Variants in TACR1 observed in about 807,000 individuals in gnomAD.
TACR1 encodes the protein substance-P receptor.
Under a neutral mutation model 35.8 loss-of-function variants are expected in TACR1, and 25 were observed. The ratio of observed to expected loss-of-function variants is 0.70; its 90% CI spans 0.51 to 0.98. The LOEUF is 0.98. Ranked by LOEUF, TACR1 falls within the 50% of genes least tolerant of loss-of-function variation. TACR1 has a pLI of 0.00. For missense variants in TACR1, 478 were observed against 522.9 expected (o/e 0.91, Z 0.84); for synonymous variants, 195 against 206.7 (o/e 0.94, Z 0.48).
At chr2:75,128,835 T>C (rs1010913978) in intron 1 of TACR1, among the ~76,000 whole-genome samples, 5 of 152,156 alleles carry the variant, frequency 3.3e-5, no homozygotes, top group African/African-American at 1.2e-4. Flanking sequence ...ATCTCATGCT[T>C]GCATTTGGGA....
At chr2:75,137,742 A>G (rs1209461568) in intron 1 of TACR1, among the ~76,000 whole-genome samples, 2 of 150,858 alleles carry the variant, frequency 1.3e-5, no homozygotes, top group African/African-American at 4.9e-5. Context: ...AAAAAAAAAA[A>G]AAAAAAAAAA....
chr2:75,073,270 T>C (rs767226170), intron 2 of TACR1, among the ~76,000 whole-genome samples: 11 of 152,222 alleles, frequency 7.2e-5, no homozygotes, highest in Non-Finnish European at 1.6e-4. Flanking sequence ...GAAGCTCCAT[T>C]TTAAAGACAG....
intron 1 of TACR1, among the ~76,000 whole-genome samples, chr2:75,196,842 A>G (rs1676007304): frequency 6.6e-6 from 1 of 152,162 alleles, no homozygotes; most frequent in South Asian, 2.1e-4. Flanking sequence ...ACAAACAAAC[A>G]AAACCCCCCA....
intron 2 of TACR1, among the ~76,000 whole-genome samples, chr2:75,112,164 A>T (rs1275700763): frequency 1.3e-5 from 2 of 151,950 alleles, no homozygotes; most frequent in Non-Finnish European, 2.9e-5. Context: ...ACAAAATTTT[A>T]TACGTTTGAG....
intron 1 of TACR1, among the ~76,000 whole-genome samples, chr2:75,195,641 T>C (rs1675951730): frequency 1.3e-5 from 2 of 152,114 alleles, no homozygotes; most frequent in Non-Finnish European, 2.9e-5. Context: ...ATGTAGTAAT[T>C]CTACTTATTG....
In TACR1 at chr2:75,076,726, GT is replaced by G. The variant is rs112612026; in HGVS notation, c.585-22972del. Among the ~76,000 whole-genome samples, 1,520 of 152,284 alleles carry G rather than the reference GT, an allele frequency of 1.0e-2. 15 individuals carry two copies. Among genetic ancestry groups the G allele is most frequent in the African/African-American group, 0.034 (1,428 of 41,550 alleles). The stretch of plus-strand genomic sequence containing the variant: ...TGGACCTGACAATCACTGGGGCAAC[GT>G]TAGCCAAGGTGCTGCTTGTCTCTAC... On this transcript the variant is annotated intron_variant, in intron 2 of 4. Coordinates refer to ENST00000305249, the MANE Select transcript of TACR1 (RefSeq NM_001058.4).
intron 1 of TACR1, among the ~76,000 whole-genome samples, chr2:75,163,263 T>C (rs1351836524): frequency 1.3e-5 from 2 of 152,234 alleles, no homozygotes; most frequent in African/African-American, 4.8e-5. Context: ...TCAGGGTTTG[T>C]CTATGGCAAC....
At chr2:75,171,304 G>A (rs2104017838) in intron 1 of TACR1, among the ~76,000 whole-genome samples, 2 of 152,330 alleles carry the variant, frequency 1.3e-5, no homozygotes, top group South Asian at 4.1e-4. Context: ...TTGGGTCTGT[G>A]GGTGCACAAA....
At position 75,173,910 on chromosome 2, in the gene TACR1, G is replaced by C. The variant is rs572321997; in HGVS notation, c.389+24636C>G. Among the ~76,000 whole-genome samples, 40 of 152,228 alleles carry C rather than the reference G, an allele frequency of 2.6e-4. No individual in the cohort carries two copies. In the South Asian group the frequency reaches 3.5e-3, roughly 13 times the overall value. On this transcript the variant is annotated intron_variant, in intron 1 of 4. Transcript: ENST00000305249. Reference sequence around the variant, plus strand: ...TCTTACTCTGCTCCATTTTTTCTGAGCCACTTGGCCTTCCCAGAGGACAGA... The same window carrying C: ...TCTTACTCTGCTCCATTTTTTCTGACCCACTTGGCCTTCCCAGAGGACAGA...
At chr2:75,166,140 T>C (rs1415997984) in intron 1 of TACR1, among the ~76,000 whole-genome samples, 1 of 152,172 alleles carries the variant, frequency 6.6e-6, no homozygotes, top group Admixed American at 6.5e-5. Flanking sequence ...AAAACAAAAA[T>C]GATTTAATAT....
At chr2:75,115,393 A>G (rs1490466546) in intron 2 of TACR1, among the ~76,000 whole-genome samples, 1 of 152,152 alleles carries the variant, frequency 6.6e-6, no homozygotes, top group Non-Finnish European at 1.5e-5. Flanking sequence ...TGCAGGTGAG[A>G]ATGTAAATTA....
intron 4 of TACR1, 87 bp downstream of exon 4, chr2:75,051,148 CTTGTCTCACAGCTGGG>C: frequency 6.8e-7 from 1 of 1,472,230 alleles, no homozygotes; most frequent in Non-Finnish European, 9.4e-7. Flanking sequence ...ACTTGTCCCT[CTTGTCTCACAGCTGGG>C]TTTACTCATT....
chr2:75,081,990 A>G (rs1192459674), intron 2 of TACR1, among the ~76,000 whole-genome samples: 2 of 151,626 alleles, frequency 1.3e-5, no homozygotes, highest in African/African-American at 4.9e-5. Context: ...TTACATATGT[A>G]TACATGTGCT....
chr2:75,176,996 G>A (rs954727964), intron 1 of TACR1, among the ~76,000 whole-genome samples: 3 of 151,896 alleles, frequency 2.0e-5, no homozygotes, highest in African/African-American at 4.8e-5. Context: ...CCTTTTCACT[G>A]CCTCAAACTT....
In TACR1 at chr2:75,198,560, A is replaced by G; in HGVS notation, c.375T>C (p.Ala125=). 1 of 1,612,926 alleles carries G rather than the reference A, an allele frequency of 6.2e-7. No individual in the cohort carries two copies. Among genetic ancestry groups the G allele is most frequent in the Non-Finnish European group, 8.5e-7 (1 of 1,178,982 alleles). The part of the protein sequence containing the change: ...AVFASIYSMT[A]VAFDRYMAII... ...GCTAATCTCACCTATCAAAGGCCACAGCCGTCATGGAGTAGATACTGGCGA... is the reference window on the plus strand; with the variant it reads ...GCTAATCTCACCTATCAAAGGCCACGGCCGTCATGGAGTAGATACTGGCGA... Residue 125 remains alanine (A), a synonymous_variant, in exon 1 of 5, where the codon GCT becomes GCC. Transcript: ENST00000305249.
chr2:75,097,956 C>T (rs1673457731), intron 2 of TACR1, among the ~76,000 whole-genome samples: 1 of 152,180 alleles, frequency 6.6e-6, no homozygotes, highest in Non-Finnish European at 1.5e-5. Flanking sequence ...TAGCTAATTA[C>T]AATTTCAAAA....
At chr2:75,089,077 C>G (rs1673246750) in intron 2 of TACR1, among the ~76,000 whole-genome samples, 2 of 152,172 alleles carry the variant, frequency 1.3e-5, no homozygotes, top group South Asian at 4.1e-4. Flanking sequence ...GTTCAATTAA[C>G]TTCACCATAT....
chr2:75,053,563 G>T, intron 3 of TACR1, 42 bp downstream of exon 3: 1 of 1,473,782 alleles, frequency 6.8e-7, no homozygotes, highest in Non-Finnish European at 9.0e-7. Flanking sequence ...ACAGCCTGTT[G>T]TCTGTGCCAG....
chr2:75,106,791 A>G (rs141861542), intron 2 of TACR1, among the ~76,000 whole-genome samples: 1 of 152,038 alleles, frequency 6.6e-6, no homozygotes, highest in East Asian at 1.9e-4. Flanking sequence ...TGTATCTTTG[A>G]AATTACCAAA....
Sources: allele counts gnomAD v4.1 joint callset (sites outside exome capture counted in the v4.1 genomes callset), GRCh38; gene constraint gnomAD v4.1.1; transcripts MANE v1.5; gene names NCBI Gene and HGNC (gene_info 2026-07-23, HGNC 2026-07-21).